Variants in ZFAT observed in about 807,000 individuals in gnomAD.
ZFAT encodes the protein zinc finger and AT-hook domain containing.
Under a neutral mutation model 117.7 loss-of-function variants are expected in ZFAT, and 64 were observed. The observed-to-expected ratio is 0.54, with a 90% CI of 0.44 to 0.67. ZFAT has a LOEUF of 0.67. Among genes scored for constraint, ZFAT ranks in the 30% least tolerant of loss-of-function variants. The probability of loss-of-function intolerance (pLI) is 0.00; values close to 1 mark genes in which losing one functional copy is unlikely to be tolerated. For missense variants in ZFAT, 1,433 were observed against 1,584.5 expected, an observed-to-expected ratio of 0.90 and a Z score of 1.62; for synonymous variants, 679 against 615.0, an observed-to-expected ratio of 1.10 and a Z score of -1.54.
intron 1 of ZFAT, among the ~76,000 whole-genome samples, chr8:134,691,336 A>C (rs1833572602): frequency 1.2e-5 from 1 of 82,044 alleles, no homozygotes; most frequent in Non-Finnish European, 2.4e-5. Flanking sequence ...CTTCAGCCCC[A>C]TGCTCAGGCG....
At chr8:134,711,508 G>A (rs1441620958) in intron 1 of ZFAT, among the ~76,000 whole-genome samples, 1 of 152,218 alleles carries the variant, frequency 6.6e-6, no homozygotes, top group Non-Finnish European at 1.5e-5. Flanking sequence ...TGTGGTCACA[G>A]CTACTTGGCA....
intron 8 of ZFAT, among the ~76,000 whole-genome samples, 173 bp downstream of exon 8, chr8:134,590,095 T>C (rs886696899): frequency 5.4e-4 from 82 of 152,186 alleles, no homozygotes; most frequent in Non-Finnish European, 1.3e-4. Context: ...CAAAAGGAAA[T>C]AAATAATTAC....
the ZFAT span, among the ~76,000 whole-genome samples, chr8:134,743,518 A>G: frequency 6.6e-6 from 1 of 152,040 alleles, no homozygotes; most frequent in African/African-American, 2.4e-5. Context: ...AATAAAAAAT[A>G]AATGAAGGAA....
intron 2 of ZFAT, among the ~76,000 whole-genome samples, chr8:134,638,784 T>C (rs1279459524): frequency 1.3e-5 from 2 of 150,516 alleles, no homozygotes; most frequent in Non-Finnish European, 3.0e-5. Flanking sequence ...TCTCATCCAG[T>C]TGTGTGAAGG....
chr8:134,698,509 A>T (rs1833934371), intron 1 of ZFAT, among the ~76,000 whole-genome samples: 1 of 152,190 alleles, frequency 6.6e-6, no homozygotes, highest in Non-Finnish European at 1.5e-5. Context: ...GACCAATAAT[A>T]AAGAATGCCC....
intron 14 of ZFAT, among the ~76,000 whole-genome samples, chr8:134,510,362 A>G (rs752651667): frequency 1.4e-4 from 21 of 152,148 alleles, no homozygotes; most frequent in Non-Finnish European, 2.1e-4. Context: ...AACCGTCCTG[A>G]GCACACCCTG....
Position 134,478,864 on chromosome 8 carries a change from G to A in ZFAT, c.3493-143C>T. Reference sequence around the variant, plus strand: ...CCACGGATCCTCTCTACCAGGCTGTGCTTGCTCTCATGCCCATTTTACAGC... The same window carrying A: ...CCACGGATCCTCTCTACCAGGCTGTACTTGCTCTCATGCCCATTTTACAGC... On this transcript the variant is annotated intron_variant, in intron 15 of 15. Coordinates refer to ENST00000377838, the MANE Select transcript of ZFAT (RefSeq NM_020863.4). The surrounding 1 kb of genome is among the most constrained non-coding windows in gnomAD (Gnocchi z 5.2). The A allele has an allele frequency of 7.7e-7, 1 of 1,302,880 alleles. No individual in the cohort carries two copies. The highest frequency in any genetic ancestry group is 1.0e-6 in the Non-Finnish European group (1 of 965,880). 80.7% of individuals were successfully genotyped at this position (1,302,880 alleles called of 1,614,324 possible).
At chr8:134,714,339 T>C (rs1161692690), upstream of ZFAT, among the ~76,000 whole-genome samples, 1 of 152,172 alleles carries the variant, frequency 6.6e-6, no homozygotes, top group Non-Finnish European at 1.5e-5. Context: ...CCCCCACTTC[T>C]CTGTTTGCAC....
chr8:134,817,083 C>A, the ZFAT span, among the ~76,000 whole-genome samples: 1 of 151,910 alleles, frequency 6.6e-6, no homozygotes, highest in Non-Finnish European at 1.5e-5. Flanking sequence ...GTCAACTTGG[C>A]TAGGCTATGC....
intron 1 of ZFAT, among the ~76,000 whole-genome samples, chr8:134,676,327 C>G (rs1398455293): frequency 6.9e-6 from 1 of 144,610 alleles, no homozygotes; most frequent in Non-Finnish European, 1.5e-5. Flanking sequence ...TTTAAACCAA[C>G]AAAGATCAAA....
chr8:134,769,003 T>G, the ZFAT span, among the ~76,000 whole-genome samples: 4 of 152,142 alleles, frequency 2.6e-5, no homozygotes, highest in Admixed American at 2.0e-4. Flanking sequence ...TGAAACCCCA[T>G]CTCTACAAAA....
intron 2 of ZFAT, among the ~76,000 whole-genome samples, chr8:134,648,773 C>T (rs944915061): frequency 1.3e-5 from 2 of 152,110 alleles, no homozygotes; most frequent in African/African-American, 4.8e-5. Context: ...GGGAACACTT[C>T]TCAAGTCATG....
At chr8:134,760,273 G>GAAAAAAAAAAA in the ZFAT span, among the ~76,000 whole-genome samples, 16 of 128,706 alleles carry the variant, frequency 1.2e-4, no homozygotes, top group South Asian at 2.5e-4. Context: ...GTCTCAAAAA[G>GAAAAAAAAAAA]AAAAAAAAAA....
chr8:134,720,879 T>C, the ZFAT span, among the ~76,000 whole-genome samples: 10 of 152,220 alleles, frequency 6.6e-5, no homozygotes, highest in South Asian at 2.1e-4. Flanking sequence ...CCCAGTCTTC[T>C]AGAGTTTTCC....
intron 10 of ZFAT, among the ~76,000 whole-genome samples, chr8:134,574,606 A>C (rs990485150): frequency 3.9e-5 from 6 of 152,120 alleles, no homozygotes; most frequent in Non-Finnish European, 5.9e-5. Flanking sequence ...ATCAGAACAC[A>C]GAGAGAGACG....
At chr8:134,635,183 C>T (rs1271872468) in intron 3 of ZFAT, among the ~76,000 whole-genome samples, 2 of 152,098 alleles carry the variant, frequency 1.3e-5, no homozygotes, top group African/African-American at 2.4e-5. Flanking sequence ...AGAGAGTTGA[C>T]CCTAAGGGCA....
At chr8:134,805,856 C>T in the ZFAT span, among the ~76,000 whole-genome samples, 1 of 151,810 alleles carries the variant, frequency 6.6e-6, no homozygotes, top group African/African-American at 2.4e-5. Flanking sequence ...GTGGTGCATG[C>T]GGTCCCAGCT....
At chr8:134,622,664 T>A (rs974520343) in intron 3 of ZFAT, among the ~76,000 whole-genome samples, 2 of 152,148 alleles carry the variant, frequency 1.3e-5, no homozygotes, top group African/African-American at 4.8e-5. Flanking sequence ...CTCCCAAGGC[T>A]GACCAGTAAG....
At chr8:134,699,131 C>G (rs144054292) in intron 1 of ZFAT, among the ~76,000 whole-genome samples, 71 of 152,254 alleles carry the variant, frequency 4.7e-4, no homozygotes, top group African/African-American at 1.7e-3. Context: ...CCCCTCACCC[C>G]CTCCCCGCAT....
Sources: allele counts gnomAD v4.1 joint callset (sites outside exome capture counted in the v4.1 genomes callset), GRCh38; gene constraint gnomAD v4.1.1; non-coding constraint Gnocchi (gnomAD v3.1); transcripts MANE v1.5; gene names NCBI Gene and HGNC (gene_info 2026-07-23, HGNC 2026-07-21).